The following GRM4 variants were observed in gnomAD, a reference collection of about 807,000 sequenced individuals.
GRM4 encodes the protein metabotropic glutamate receptor 4.
Under a neutral mutation model 81.7 loss-of-function variants are expected in GRM4, and 28 were observed. The observed-to-expected ratio is 0.34, with a 90% confidence interval of 0.25 to 0.47. The LOEUF (loss-of-function observed/expected upper bound fraction) is 0.47. Among genes scored for constraint, GRM4 ranks in the 20% least tolerant of loss-of-function variants. The pLI is 1.00. For synonymous variants in GRM4, 488 were observed against 528.8 expected, an observed-to-expected ratio of 0.92 and a Z score of 1.06; for missense variants, 948 against 1,290.0, an observed-to-expected ratio of 0.73 and a Z score of 4.06.
intron 2 of GRM4, among the ~76,000 whole-genome samples, chr6:34,104,055 G>C (rs139535849): frequency 6.6e-6 from 1 of 152,228 alleles, no homozygotes; most frequent in African/African-American, 2.4e-5. Flanking sequence ...CTGCCCCTCC[G>C]AAGCTGAGGA....
chr6:34,073,016 C>T (rs796635695), intron 3 of GRM4, among the ~76,000 whole-genome samples: 2 of 2,954 alleles, frequency 6.8e-4, no homozygotes, highest in Non-Finnish European at 1.5e-3. Flanking sequence ...ACACACCACA[C>T]ACACACATCA....
At chr6:34,044,123 C>T in intron 6 of GRM4, among the ~76,000 whole-genome samples, 2 of 149,308 alleles carry the variant, frequency 1.3e-5, no homozygotes, top group Non-Finnish European at 3.0e-5. Flanking sequence ...TACACAGACA[C>T]ACACACACAC....
chr6:34,091,756 C>T lies in GRM4; in HGVS notation c.736+127G>A, dbSNP rs1768228650. The T allele has an allele frequency of 4.1e-5, 28 of 690,836 alleles. No individual in the cohort carries two copies. The South Asian group carries it at 4.7e-4, about 12-fold the overall frequency. The allele number at this position is 690,836 out of a possible 1,614,324, so 42.8% of individuals were successfully genotyped here. A position where few individuals can be genotyped will look rare whatever the true frequency, so the allele number is the denominator to read the frequency against. On this transcript the variant is annotated intron_variant, in intron 3 of 10. Coordinates refer to ENST00000538487, the MANE Select transcript of GRM4 (RefSeq NM_000841.4). ...ACAGTGCTCAAAGAAGAGGCCGAGG[C>T]CCACCTGGCAACAGCCAGGCAGTCA...
At chr6:34,037,689 C>G (rs747102176) in intron 8 of GRM4, among the ~76,000 whole-genome samples, 1 of 151,840 alleles carries the variant, frequency 6.6e-6, no homozygotes, top group Non-Finnish European at 1.5e-5. Context: ...ATGGTGAAAC[C>G]CCGTCTCTAC....
chr6:34,085,187 C>A (rs11966709), intron 3 of GRM4, among the ~76,000 whole-genome samples: 6,149 of 152,238 alleles, frequency 0.04, 127 homozygotes, highest in Middle Eastern at 0.068. Context: ...GCAGGGGGCA[C>A]AGCACAGGGG....
At chr6:34,071,612 C>CACACAATCA (rs757410411) in intron 3 of GRM4, among the ~76,000 whole-genome samples, 1 of 6,780 alleles carries the variant, frequency 1.5e-4, no homozygotes, top group Non-Finnish European at 2.4e-4. Flanking sequence ...ACCACACACA[C>CACACAATCA]CCATACATCA....
At chr6:34,063,563 A>G (rs1766291697) in intron 3 of GRM4, 1 of 152,192 alleles carries the variant, frequency 6.6e-6, no homozygotes, top group Non-Finnish European at 1.5e-5. Flanking sequence ...GTGCGTGCAC[A>G]CACACACACA....
At chr6:34,052,270 G>T (rs1765651802) in intron 6 of GRM4, among the ~76,000 whole-genome samples, 2 of 152,204 alleles carry the variant, frequency 1.3e-5, no homozygotes, top group Non-Finnish European at 2.9e-5. Flanking sequence ...AGCTCCAATT[G>T]TTCACAGTGG....
upstream of GRM4, among the ~76,000 whole-genome samples, chr6:34,146,479 A>G (rs1770934951): frequency 6.6e-6 from 1 of 152,156 alleles, no homozygotes; most frequent in Non-Finnish European, 1.5e-5. Context: ...CCCTTCCCAG[A>G]GGGGGCTTGA....
chr6:34,129,899 C>G (rs1291141192), intron 2 of GRM4, among the ~76,000 whole-genome samples: 2 of 152,212 alleles, frequency 1.3e-5, no homozygotes, highest in East Asian at 1.9e-4. Flanking sequence ...GGGCTCCCCT[C>G]TGAGCCAAGC....
chr6:34,091,016 GC>G (rs1451802346), intron 3 of GRM4, among the ~76,000 whole-genome samples: 1 of 151,902 alleles, frequency 6.6e-6, no homozygotes, highest in Non-Finnish European at 1.5e-5. Context: ...CAGCCCCACA[GC>G]CCCCCAGGAG....
chr6:34,040,048 G>A (rs1032454758), intron 8 of GRM4, 130 bp downstream of exon 8: 1 of 876,530 alleles, frequency 1.1e-6, no homozygotes. Context: ...GCACTGGGAA[G>A]GAAGCCCCAG....
In GRM4 at chr6:34,069,200, A is replaced by G. The variant is rs1581646534; in HGVS notation, c.737-7172T>C. Among the ~76,000 whole-genome samples, 1 of 143,882 alleles carries G rather than the reference A, an allele frequency of 7.0e-6. No homozygotes were observed. The highest frequency in any genetic ancestry group is 1.5e-5 in the Non-Finnish European group (1 of 67,436). 94.4% of individuals were successfully genotyped at this position (143,882 alleles called of 152,430 possible). ...CACACACACACACACACACACACAC[A>G]CACACGCACGCACACACGGCTCCTT... On this transcript the variant is annotated intron_variant, in intron 3 of 10. Transcript: ENST00000538487. The surrounding 1 kb of genome is among the most constrained non-coding windows in gnomAD (Gnocchi z 6.4).
rs995281836 is a variant in GRM4 at position 34,074,814 on chromosome 6, C to T, written c.737-12786G>A. ...TGGAGGCAGATGGTGGCAGGAGGGGCCTGGATGGGGCAGGACACAAAGAGA... is the reference window on the plus strand; with the variant it reads ...TGGAGGCAGATGGTGGCAGGAGGGGTCTGGATGGGGCAGGACACAAAGAGA... On this transcript the variant is annotated intron_variant, in intron 3 of 10. Coordinates refer to ENST00000538487, the MANE Select transcript of GRM4 (RefSeq NM_000841.4). This position sits in a 1 kb window ranked among gnomAD's most constrained non-coding sequence, Gnocchi z 4.9. Among the ~76,000 whole-genome samples the T allele has an allele frequency of 6.6e-6, 1 of 152,144 alleles. No homozygotes were observed. The highest frequency in any genetic ancestry group is 2.1e-4 in the South Asian group (1 of 4,834).
At chr6:34,120,797 T>C (rs1261441016) in intron 2 of GRM4, among the ~76,000 whole-genome samples, 2 of 152,192 alleles carry the variant, frequency 1.3e-5, no homozygotes, top group Non-Finnish European at 2.9e-5. Flanking sequence ...GGTTTCATTG[T>C]GTTAGCCAGG....
At chr6:34,028,468 T>G in intron 9 of GRM4, 102 bp from the exon 10 acceptor site, 1 of 1,315,634 alleles carries the variant, frequency 7.6e-7, no homozygotes, top group South Asian at 1.4e-5. Context: ...CCCGCTGCCT[T>G]CAGGCAGAAG....
Position 34,111,577 on chromosome 6 carries a change from C to T in GRM4, c.520-19478G>A, listed in dbSNP as rs1436903958. Among the ~76,000 whole-genome samples the T allele has an allele frequency of 6.6e-6, 1 of 152,230 alleles. No individual in the cohort carries two copies. The highest frequency in any genetic ancestry group is 1.5e-5 in the Non-Finnish European group (1 of 68,040). On this transcript the variant is annotated intron_variant, in intron 2 of 10. Transcript: ENST00000538487. This position sits in a 1 kb window ranked among gnomAD's most constrained non-coding sequence, Gnocchi z 5.1. Reference sequence around the variant, plus strand: ...CCATGGTAGGCAAGAGAGTGCTGTCCCCCATCCACACCCCGGCAGGGGACA... The same window carrying T: ...CCATGGTAGGCAAGAGAGTGCTGTCTCCCATCCACACCCCGGCAGGGGACA...
chr6:34,132,836 C>G (rs1391810204), intron 2 of GRM4, 142 bp downstream of exon 2: 16 of 635,504 alleles, frequency 2.5e-5, no homozygotes, highest in Non-Finnish European at 4.3e-5. Context: ...TTCTCAGACA[C>G]TGCTCTGAGG....
In GRM4 at chr6:34,036,630, G is replaced by A; in HGVS notation, c.1507-27C>T. The stretch of plus-strand genomic sequence containing the variant: ...TGGCAATGACAGCACCGTAAAGCAG[G>A]CCTCAGAACATGCCACCCGGTGCCC... On this transcript the variant is annotated intron_variant, in intron 8 of 10. Transcript: ENST00000538487. The surrounding 1 kb of genome is among the most constrained non-coding windows in gnomAD (Gnocchi z 9.0). 1 of 1,340,250 alleles carries A rather than the reference G, an allele frequency of 7.5e-7. No individual in the cohort carries two copies. Among genetic ancestry groups the A allele is most frequent in the Non-Finnish European group, 1.0e-6 (1 of 968,236 alleles). 83.0% of individuals were successfully genotyped at this position (1,340,250 alleles called of 1,614,324 possible).
Sources: allele counts gnomAD v4.1 joint callset (sites outside exome capture counted in the v4.1 genomes callset), GRCh38; gene constraint gnomAD v4.1.1; non-coding constraint Gnocchi (gnomAD v3.1); transcripts MANE v1.5; gene names NCBI Gene and HGNC (gene_info 2026-07-23, HGNC 2026-07-21).